The following CADM2 variants were observed in gnomAD, a reference collection of about 807,000 sequenced individuals.
The protein encoded by CADM2 is immunoglobulin superfamily member 4D.
A neutral mutation model predicts 49.8 loss-of-function variants in CADM2; 12 were observed. The ratio of observed to expected loss-of-function variants is 0.24; its 90% confidence interval spans 0.15 to 0.39. CADM2 has a LOEUF of 0.39. Ranked by LOEUF, CADM2 falls within the 10% of genes least tolerant of loss-of-function variation. The pLI, the probability that CADM2 is intolerant of heterozygous loss-of-function variation, is 1.00. For missense variants in CADM2, 378 were observed against 492.3 expected (o/e 0.77, Z 2.20); for synonymous variants, 214 against 175.4 (o/e 1.22, Z -1.74).
At chr3:85,456,498 T>G (rs1348590515) in intron 1 of CADM2, among the ~76,000 whole-genome samples, 1 of 152,208 alleles carries the variant, frequency 6.6e-6, no homozygotes, top group East Asian at 1.9e-4. Flanking sequence ...CTTAAGCAAG[T>G]TTCCAAAATA....
Position 85,386,035 on chromosome 3 carries a change from G to T in CADM2, c.62-340487G>T, listed in dbSNP as rs79587404. On this transcript the variant is annotated intron_variant, in intron 1 of 9. Coordinates refer to ENST00000383699, the MANE Select transcript of CADM2 (RefSeq NM_001167675.2). ...AACAAAGTACCATATGAACAATCATGCAGAACAAAGTGAGAAGCTATGTTT... is the reference window on the plus strand; with the variant it reads ...AACAAAGTACCATATGAACAATCATTCAGAACAAAGTGAGAAGCTATGTTT... Among the ~76,000 whole-genome samples, 326 of 152,186 alleles carry T rather than the reference G, an allele frequency of 2.1e-3. 6 individuals are homozygous for T. In the East Asian group the frequency reaches 0.061, roughly 28 times the overall value.
intron 1 of CADM2, among the ~76,000 whole-genome samples, chr3:85,711,694 A>G (rs1480158789): frequency 6.6e-6 from 1 of 152,210 alleles, no homozygotes; most frequent in Non-Finnish European, 1.5e-5. Context: ...TTCATTTTAA[A>G]TATGGCTATT....
intron 6 of CADM2, among the ~76,000 whole-genome samples, chr3:85,924,592 AAAATAAATAAATAAAT>A (rs56769723): frequency 6.8e-6 from 1 of 146,218 alleles, no homozygotes; most frequent in Admixed American, 6.8e-5. Flanking sequence ...ACAACATCTA[AAAATAAATAAATAAAT>A]AAATAAATAA....
At chr3:85,011,721 A>G (rs888720485) in intron 1 of CADM2, among the ~76,000 whole-genome samples, 21 of 146,796 alleles carry the variant, frequency 1.4e-4, no homozygotes, top group African/African-American at 4.5e-4. Context: ...CACCTCTACA[A>G]TTTTTTTTTT....
chr3:85,283,451 T>C (rs908890758), intron 1 of CADM2, among the ~76,000 whole-genome samples: 2 of 151,902 alleles, frequency 1.3e-5, no homozygotes, highest in African/African-American at 4.8e-5. Flanking sequence ...GTATTATACA[T>C]GTGCACTGAA....
At position 86,073,308 on chromosome 3, in the gene CADM2, C is replaced by T. The variant is rs1045556576; in HGVS notation, c.*6525C>T. ...AACTTTTGGAAGGGTATATTTATGA[C>T]AGCATAAAAAATAAATTCTGTGCTA... On this transcript the variant is annotated 3_prime_UTR_variant, in exon 10 of 10. Transcript: ENST00000383699. 1.1e-4 allele frequency: 17 copies of T among 151,848 alleles called. No homozygotes were observed. Among genetic ancestry groups the T allele is most frequent in the African/African-American group, 4.1e-4 (17 of 41,364 alleles). The allele number at this position is 151,848 out of a possible 1,614,324, so 9.4% of individuals were successfully genotyped here.
chr3:85,902,618 TTTTTG>T (rs1716276093), intron 5 of CADM2, among the ~76,000 whole-genome samples: 1 of 151,628 alleles, frequency 6.6e-6, no homozygotes. Flanking sequence ...TTTCATGTCA[TTTTTG>T]TTTTATGTTC....
At chr3:85,159,256 A>G (rs983195336) in intron 1 of CADM2, among the ~76,000 whole-genome samples, 6 of 151,514 alleles carry the variant, frequency 4.0e-5, no homozygotes, top group Non-Finnish European at 8.8e-5. Flanking sequence ...TAACATACTA[A>G]TACATCAAAA....
Position 85,344,496 on chromosome 3 carries a change from G to A in CADM2, c.62-382026G>A, listed in dbSNP as rs140413591. Among the ~76,000 whole-genome samples, 751 of 152,022 alleles carry A rather than the reference G, an allele frequency of 4.9e-3. 4 individuals are homozygous for A. The highest frequency in any genetic ancestry group is 0.018 in the Admixed American group (277 of 15,252). On this transcript the variant is annotated intron_variant, in intron 1 of 9. Transcript: ENST00000383699. ...TTTAAGATGTAAAGACCAGGGGGGT[G>A]TTTGTAGTAGAGATGGGCTTAAATG...
intron 5 of CADM2, among the ~76,000 whole-genome samples, chr3:85,889,238 A>G (rs1423737137): frequency 1.3e-5 from 2 of 152,110 alleles, no homozygotes; most frequent in East Asian, 3.9e-4. Flanking sequence ...TTTTATATCC[A>G]TGTTTCTGGG....
At chr3:84,990,032 C>A (rs963915093) in intron 1 of CADM2, among the ~76,000 whole-genome samples, 1 of 151,698 alleles carries the variant, frequency 6.6e-6, no homozygotes, top group Non-Finnish European at 1.5e-5. Context: ...GAACTTAATT[C>A]ATGAAATGTT....
At chr3:85,592,705 T>TA (rs2063139294) in intron 1 of CADM2, among the ~76,000 whole-genome samples, 2 of 144,226 alleles carry the variant, frequency 1.4e-5, no homozygotes, top group Non-Finnish European at 3.1e-5. Context: ...AGTTCTGGAT[T>TA]TTTATTATTA....
In CADM2 at chr3:85,836,994, C is replaced by T. The variant is rs181886109; in HGVS notation, c.238+34798C>T. The stretch of plus-strand genomic sequence containing the variant: ...ATTACATAGGAGGGATCATTTTCTT[C>T]TGTAGTTGTAAAAATGAAGATCTCA... On this transcript the variant is annotated intron_variant, in intron 3 of 9. Coordinates refer to ENST00000383699, the MANE Select transcript of CADM2 (RefSeq NM_001167675.2). 3.3e-5 allele frequency among the ~76,000 whole-genome samples: 5 copies of T among 151,582 alleles called. No homozygotes were observed. The Admixed American group carries it at 3.3e-4, about 10-fold the overall frequency.
At chr3:85,372,849 C>T (rs2033350240) in intron 1 of CADM2, among the ~76,000 whole-genome samples, 1 of 152,106 alleles carries the variant, frequency 6.6e-6, no homozygotes, top group South Asian at 2.1e-4. Flanking sequence ...CTTCATAAAA[C>T]CATCAGAACT....
At chr3:85,880,304 C>A (rs994581992) in intron 3 of CADM2, among the ~76,000 whole-genome samples, 3 of 152,188 alleles carry the variant, frequency 2.0e-5, no homozygotes, top group East Asian at 1.9e-4. Flanking sequence ...ATATGGTGGA[C>A]ATTATCAAAG....
At chr3:85,897,442 T>C (rs996345245) in intron 5 of CADM2, among the ~76,000 whole-genome samples, 2 of 148,036 alleles carry the variant, frequency 1.4e-5, no homozygotes, top group Non-Finnish European at 3.0e-5. Context: ...GCTAATTTTT[T>C]GTATTTTTAG....
At chr3:85,238,690 G>T (rs2042463315) in intron 1 of CADM2, among the ~76,000 whole-genome samples, 1 of 151,780 alleles carries the variant, frequency 6.6e-6, no homozygotes, top group African/African-American at 2.4e-5. Flanking sequence ...AAGATACTTT[G>T]TTCAGGTAGG....
intron 1 of CADM2, among the ~76,000 whole-genome samples, chr3:85,195,370 A>G (rs2107733584): frequency 6.6e-6 from 1 of 152,236 alleles, no homozygotes; most frequent in South Asian, 2.1e-4. Context: ...ATCTATGAGC[A>G]GTTTTAAGGA....
chr3:85,886,471 G>T, intron 5 of CADM2, 144 bp downstream of exon 5: 1 of 591,308 alleles, frequency 1.7e-6, no homozygotes. Context: ...CCATTCTTAA[G>T]TAAGGTAATT....
Sources: allele counts gnomAD v4.1 joint callset (sites outside exome capture counted in the v4.1 genomes callset), GRCh38; gene constraint gnomAD v4.1.1; transcripts MANE v1.5; gene names NCBI Gene and HGNC (gene_info 2026-07-23, HGNC 2026-07-21).